The following DDX10 variants were observed in gnomAD, a reference collection of about 807,000 sequenced individuals.
DDX10 encodes DEAD-box helicase 10.
In DDX10, 74 loss-of-function variants were observed where a neutral mutation model predicts 104.3. The ratio of observed to expected loss-of-function variants is 0.71; its 90% CI spans 0.59 to 0.86. DDX10 has a LOEUF of 0.86. DDX10 is among the 40% of genes least tolerant of loss of function. The pLI is 0.00. For missense variants in DDX10, 952 were observed against 1,040.0 expected (o/e 0.92, Z 1.16); for synonymous variants, 351 against 353.4 (o/e 0.99, Z 0.08).
chr11:108,772,896 C>T (rs983223705), intron 13 of DDX10, among the ~76,000 whole-genome samples: 3 of 152,148 alleles, frequency 2.0e-5, no homozygotes, highest in African/African-American at 4.8e-5. Context: ...AAAGGTTGGG[C>T]ATTGTTGGTA....
chr11:108,743,328 A>G (rs971011350), intron 13 of DDX10, among the ~76,000 whole-genome samples: 1 of 152,212 alleles, frequency 6.6e-6, no homozygotes, highest in Non-Finnish European at 1.5e-5. Context: ...AAAATTTAAC[A>G]TCTCTTCATG....
chr11:108,724,470 A>G (rs2094302684), intron 13 of DDX10, among the ~76,000 whole-genome samples: 1 of 152,128 alleles, frequency 6.6e-6, no homozygotes, highest in African/African-American at 2.4e-5. Context: ...GCACACAGGT[A>G]GTAAATGGCA....
intron 7 of DDX10, among the ~76,000 whole-genome samples, chr11:108,691,566 T>TATGGCCAC (rs1229863386): frequency 6.6e-6 from 1 of 152,228 alleles, no homozygotes; most frequent in Non-Finnish European, 1.5e-5. Context: ...TCAGTCAGCC[T>TATGGCCAC]ATGGCCACAG....
At chr11:108,844,423 T>TA (rs543863139) in intron 15 of DDX10, among the ~76,000 whole-genome samples, 189 of 152,328 alleles carry the variant, frequency 1.2e-3, no homozygotes, top group African/African-American at 4.3e-3. Context: ...ACTGTAGCAT[T>TA]AGCATGTTTA....
chr11:108,827,051 A>T (rs1052149339), intron 13 of DDX10, among the ~76,000 whole-genome samples: 3 of 152,246 alleles, frequency 2.0e-5, no homozygotes, highest in Non-Finnish European at 4.4e-5. Flanking sequence ...CTTTGAAGTT[A>T]TGTAACTTTG....
At chr11:108,828,084 C>G (rs1862419894) in intron 13 of DDX10, among the ~76,000 whole-genome samples, 1 of 152,014 alleles carries the variant, frequency 6.6e-6, no homozygotes, top group African/African-American at 2.4e-5. Flanking sequence ...GACTACAGTT[C>G]TTACAAAAAT....
At chr11:108,769,853 G>T (rs974928475) in intron 13 of DDX10, among the ~76,000 whole-genome samples, 1 of 152,052 alleles carries the variant, frequency 6.6e-6, no homozygotes, top group Admixed American at 6.6e-5. Flanking sequence ...TTAACACTGA[G>T]ATATTTATTC....
At chr11:108,900,910 G>T (rs1863508849) in intron 16 of DDX10, among the ~76,000 whole-genome samples, 1 of 152,102 alleles carries the variant, frequency 6.6e-6, no homozygotes, top group African/African-American at 2.4e-5. Context: ...TTCATGTCTT[G>T]TGTCTTCGTT....
At chr11:108,685,731 G>A (rs150542610) in intron 6 of DDX10, among the ~76,000 whole-genome samples, 1 of 152,232 alleles carries the variant, frequency 6.6e-6, no homozygotes, top group East Asian at 1.9e-4. Context: ...TTTTTATTAA[G>A]CCTCATTTAA....
chr11:108,814,581 A>C (rs536399611), intron 13 of DDX10, among the ~76,000 whole-genome samples: 4 of 152,304 alleles, frequency 2.6e-5, no homozygotes, highest in African/African-American at 9.6e-5. Flanking sequence ...CTTTGTATAA[A>C]AATGAATATA....
At chr11:108,713,400 T>C (rs1340448685) in intron 10 of DDX10, among the ~76,000 whole-genome samples, 1 of 152,200 alleles carries the variant, frequency 6.6e-6, no homozygotes, top group African/African-American at 2.4e-5. Context: ...GAAGTTTTTA[T>C]CAAGTTCAGA....
chr11:108,708,091 C>G (rs1261182105), intron 10 of DDX10, among the ~76,000 whole-genome samples: 1 of 151,882 alleles, frequency 6.6e-6, no homozygotes, highest in East Asian at 1.9e-4. Context: ...AGTGGCTACA[C>G]CATTTTGAAT....
chr11:108,715,284 C>G lies in DDX10; in HGVS notation c.1323-595C>G, dbSNP rs139305385. ...AACTCAGCACTTTGGGAATCCAAGG[C>G]AGAAGGATTGCTTGAGGCCAGGAGT... On this transcript the variant is annotated intron_variant, in intron 10 of 17. Coordinates refer to ENST00000322536, the MANE Select transcript of DDX10 (RefSeq NM_004398.4). Among the ~76,000 whole-genome samples the G allele has an allele frequency of 4.6e-5, 7 of 152,218 alleles. No individual in the cohort carries two copies. In the East Asian group the frequency reaches 1.4e-3, roughly 30 times the overall value.
intron 17 of DDX10, among the ~76,000 whole-genome samples, chr11:108,928,222 A>G (rs1471065095): frequency 3.9e-5 from 6 of 152,206 alleles, no homozygotes; most frequent in Non-Finnish European, 1.5e-5. Flanking sequence ...TTAAAAATTC[A>G]AGTGGAATAA....
At chr11:108,739,055 A>G (rs2134493227) in intron 13 of DDX10, among the ~76,000 whole-genome samples, 1 of 152,270 alleles carries the variant, frequency 6.6e-6, no homozygotes, top group Non-Finnish European at 1.5e-5. Context: ...TCTGGTCAGG[A>G]AACAACTCTG....
chr11:108,857,530 C>G (rs530664831), intron 16 of DDX10, among the ~76,000 whole-genome samples: 2 of 152,326 alleles, frequency 1.3e-5, no homozygotes, highest in East Asian at 3.9e-4. Context: ...CTCTTTGGCT[C>G]TGGCTCTTGT....
chr11:108,786,570 GTCT>G (rs1861795081), intron 13 of DDX10, among the ~76,000 whole-genome samples: 2 of 152,150 alleles, frequency 1.3e-5, no homozygotes, highest in South Asian at 2.1e-4. Context: ...GGATAGTTAA[GTCT>G]TCTTGTTGAA....
chr11:108,920,109 G>C (rs1351233381), intron 17 of DDX10: 1 of 152,112 alleles, frequency 6.6e-6, no homozygotes, highest in Non-Finnish European at 1.5e-5. Context: ...AATTATAAGA[G>C]ACTATATCAT....
chr11:108,807,637 T>C (rs1393084593), intron 13 of DDX10, among the ~76,000 whole-genome samples: 1 of 152,166 alleles, frequency 6.6e-6, no homozygotes, highest in Non-Finnish European at 1.5e-5. Context: ...GTGGAGAAGA[T>C]AGTGTGTTCC....
Sources: gnomAD v4.1 joint callset for allele counts (sites outside exome capture counted in the v4.1 genomes callset) on GRCh38, gnomAD v4.1.1 for gene constraint, MANE v1.5 for transcripts, NCBI Gene and HGNC (gene_info 2026-07-23, HGNC 2026-07-21) for gene names.